The following ST6GALNAC3 variants were observed in gnomAD, a reference collection of about 807,000 sequenced individuals.
ST6GALNAC3 encodes alpha-N-acetylgalactosaminide alpha-2,6-sialyltransferase 3.
Under a neutral mutation model 32.7 loss-of-function variants are expected in ST6GALNAC3, and 25 were observed. The ratio of observed to expected loss-of-function variants is 0.76; its 90% CI spans 0.56 to 1.07. The LOEUF is 1.07. Among genes scored for constraint, ST6GALNAC3 ranks in the 50% least tolerant of loss-of-function variants. The pLI, the probability that ST6GALNAC3 is intolerant of heterozygous loss-of-function variation, is 0.00. For synonymous variants in ST6GALNAC3, 129 were observed against 133.1 expected (o/e 0.97, Z 0.21); for missense variants, 355 against 382.4 (o/e 0.93, Z 0.60).
At chr1:76,550,331 G>C (rs899079025) in intron 3 of ST6GALNAC3, among the ~76,000 whole-genome samples, 26 of 152,232 alleles carry the variant, frequency 1.7e-4, no homozygotes, top group African/African-American at 6.3e-4. Flanking sequence ...TGGAATCATT[G>C]TTATATAATA....
chr1:76,426,057 T>C (rs1291261742), intron 3 of ST6GALNAC3, among the ~76,000 whole-genome samples: 2 of 151,888 alleles, frequency 1.3e-5, no homozygotes, highest in Non-Finnish European at 2.9e-5. Flanking sequence ...CCTCCAGAAA[T>C]CTACATGACT....
intron 3 of ST6GALNAC3, among the ~76,000 whole-genome samples, chr1:76,456,243 G>C (rs1298421404): frequency 1.3e-5 from 2 of 152,188 alleles, no homozygotes; most frequent in Admixed American, 1.3e-4. Context: ...TCAGCTATAT[G>C]ACTGTGACTT....
chr1:76,497,648 A>G (rs1660936204), intron 3 of ST6GALNAC3, among the ~76,000 whole-genome samples: 1 of 152,172 alleles, frequency 6.6e-6, no homozygotes, highest in Non-Finnish European at 1.5e-5. Flanking sequence ...TGAGCCTGAC[A>G]TATATTGTTT....
At chr1:76,542,629 C>T (rs941893571) in intron 3 of ST6GALNAC3, among the ~76,000 whole-genome samples, 4 of 152,250 alleles carry the variant, frequency 2.6e-5, no homozygotes, top group African/African-American at 9.6e-5. Flanking sequence ...ATATGATCCA[C>T]CTCTCAGGGT....
chr1:76,489,771 C>G (rs1660373059), intron 3 of ST6GALNAC3, among the ~76,000 whole-genome samples: 1 of 152,118 alleles, frequency 6.6e-6, no homozygotes, highest in South Asian at 2.1e-4. Context: ...CAGGGCTGGA[C>G]AAGAGGTGGG....
At chr1:76,463,399 A>C (rs1436597078) in intron 3 of ST6GALNAC3, among the ~76,000 whole-genome samples, 1 of 152,100 alleles carries the variant, frequency 6.6e-6, no homozygotes, top group Non-Finnish European at 1.5e-5. Context: ...AGCTCATTGG[A>C]GATAAGACAG....
At position 76,195,176 on chromosome 1, in the gene ST6GALNAC3, A is replaced by G. The variant is rs888893323; in HGVS notation, c.19-118629A>G. On this transcript the variant is annotated intron_variant, in intron 1 of 4. Coordinates refer to ENST00000328299, the MANE Select transcript of ST6GALNAC3 (RefSeq NM_152996.4). ...TTTATCATTGGCATCAATGACTATT[A>G]GTTGTTTTTCTTAAAGTGTTAAGAT... Among the ~76,000 whole-genome samples, 5 of 152,234 alleles carry G rather than the reference A, an allele frequency of 3.3e-5. No individual in the cohort carries two copies. The East Asian group carries it at 9.6e-4, about 29-fold the overall frequency.
intron 2 of ST6GALNAC3, among the ~76,000 whole-genome samples, chr1:76,398,368 A>G (rs1220058862): frequency 6.6e-6 from 1 of 152,138 alleles, no homozygotes; most frequent in East Asian, 1.9e-4. Flanking sequence ...TTATAAAACG[A>G]TACATCAGTG....
At chr1:76,271,401 G>T (rs1658836625) in intron 1 of ST6GALNAC3, among the ~76,000 whole-genome samples, 1 of 152,162 alleles carries the variant, frequency 6.6e-6, no homozygotes. Context: ...ATTATTTATT[G>T]AGTACCCACT....
chr1:76,498,659 A>C (rs959893114), intron 3 of ST6GALNAC3, among the ~76,000 whole-genome samples: 1 of 151,974 alleles, frequency 6.6e-6, no homozygotes, highest in Non-Finnish European at 1.5e-5. Flanking sequence ...CTACTTTATC[A>C]TTTATGTAGA....
rs188828782 is a variant in ST6GALNAC3 at position 76,230,260 on chromosome 1, T to G, written c.19-83545T>G. 1.1e-3 allele frequency among the ~76,000 whole-genome samples: 163 copies of G among 152,316 alleles called. 5 individuals are homozygous for G. The highest frequency in any genetic ancestry group is 3.6e-3 in the African/African-American group (151 of 41,582). On this transcript the variant is annotated intron_variant, in intron 1 of 4. Transcript: ENST00000328299. ...AAGTTGACCAATTGCCTAAGAACAGTTTGAAGCATATCACACCTTATTTTG... is the reference window on the plus strand; with the variant it reads ...AAGTTGACCAATTGCCTAAGAACAGGTTGAAGCATATCACACCTTATTTTG...
chr1:76,404,895 C>T (rs1653707849), intron 2 of ST6GALNAC3, among the ~76,000 whole-genome samples: 1 of 152,032 alleles, frequency 6.6e-6, no homozygotes, highest in South Asian at 2.1e-4. Context: ...TAGTGTAAAA[C>T]AATGTTTTTA....
chr1:76,225,361 A>C (rs889647894), intron 1 of ST6GALNAC3, among the ~76,000 whole-genome samples: 5 of 152,266 alleles, frequency 3.3e-5, no homozygotes, highest in Admixed American at 3.3e-4. Flanking sequence ...CTTGTGAAGA[A>C]TGTATTGTGC....
rs941083415 is a variant in ST6GALNAC3 at position 76,632,693 on chromosome 1, G to C, written c.*3887G>C. ...CAGAAGAAAATCACTGTTACTTAGA[G>C]AAGAGACAACACTAAAGTACTTCAC... On this transcript the variant is annotated 3_prime_UTR_variant, in exon 5 of 5. Coordinates refer to ENST00000328299, the MANE Select transcript of ST6GALNAC3 (RefSeq NM_152996.4). 6.6e-5 allele frequency: 10 copies of C among 152,072 alleles called. No individual in the cohort carries two copies. Among genetic ancestry groups the C allele is most frequent in the Non-Finnish European group, 1.0e-4 (7 of 68,002 alleles). The allele number at this position is 152,072 out of a possible 1,614,324, so 9.4% of individuals were successfully genotyped here.
Position 76,321,800 on chromosome 1 carries a change from A to G in ST6GALNAC3, c.213+7801A>G, listed in dbSNP as rs953292164. Among the ~76,000 whole-genome samples the G allele has an allele frequency of 2.0e-5, 3 of 152,240 alleles. No individual in the cohort carries two copies. The East Asian group carries it at 5.8e-4, about 29-fold the overall frequency. On this transcript the variant is annotated intron_variant, in intron 2 of 4. Coordinates refer to ENST00000328299, the MANE Select transcript of ST6GALNAC3 (RefSeq NM_152996.4). The stretch of plus-strand genomic sequence containing the variant: ...TATAATGCCAGAAAATGGCTGGACA[A>G]GACTGACTACTACCTGAATTGCTAG...
chr1:76,282,411 A>G (rs1244856512), intron 1 of ST6GALNAC3, among the ~76,000 whole-genome samples: 4 of 152,206 alleles, frequency 2.6e-5, no homozygotes, highest in African/African-American at 9.6e-5. Context: ...CTTCAAGTTT[A>G]TTATGAACAT....
chr1:76,449,169 A>G (rs1016117657), intron 3 of ST6GALNAC3, among the ~76,000 whole-genome samples: 4 of 152,186 alleles, frequency 2.6e-5, no homozygotes, highest in African/African-American at 7.2e-5. Context: ...AAACACACAT[A>G]GTATGTTAAG....
At chr1:76,215,279 T>C (rs1655390424) in intron 1 of ST6GALNAC3, among the ~76,000 whole-genome samples, 1 of 152,214 alleles carries the variant, frequency 6.6e-6, no homozygotes, top group South Asian at 2.1e-4. Context: ...GGACATGTAG[T>C]TTAACCTCAT....
intron 1 of ST6GALNAC3, among the ~76,000 whole-genome samples, chr1:76,265,588 T>G (rs1658484375): frequency 1.3e-5 from 2 of 152,184 alleles, no homozygotes; most frequent in South Asian, 2.1e-4. Flanking sequence ...ATCAAAAATT[T>G]TTTAAAAGAC....
Sources: allele counts gnomAD v4.1 joint callset (sites outside exome capture counted in the v4.1 genomes callset), GRCh38; gene constraint gnomAD v4.1.1; transcripts MANE v1.5; gene names NCBI Gene and HGNC (gene_info 2026-07-23, HGNC 2026-07-21).